The following VPS13C variants were observed in gnomAD, a reference collection of about 807,000 sequenced individuals.
The protein encoded by VPS13C is vacuolar protein sorting 13 homolog C, also known as intermembrane lipid transfer protein VPS13C.
Under a neutral mutation model 456.8 loss-of-function variants are expected in VPS13C, and 358 were observed. The observed-to-expected ratio is 0.78, with a 90% CI of 0.72 to 0.86. The LOEUF (loss-of-function observed/expected upper bound fraction) is 0.86, where lower values mean the gene tolerates loss of function less well. VPS13C is among the 40% of genes least tolerant of loss of function. The probability of loss-of-function intolerance (pLI) is 0.00; values close to 1 mark genes in which losing one functional copy is unlikely to be tolerated. For missense variants in VPS13C, 4,818 were observed against 4,385.4 expected, an observed-to-expected ratio of 1.10 and a Z score of -2.79; for synonymous variants, 1,578 against 1,486.7, an observed-to-expected ratio of 1.06 and a Z score of -1.41.
intron 67 of VPS13C, among the ~76,000 whole-genome samples, chr15:61,887,766 T>C (rs966697511): frequency 5.9e-5 from 9 of 151,950 alleles, no homozygotes; most frequent in South Asian, 2.1e-4. Context: ...TAGAAGATAA[T>C]AGGAGGAAAT....
At chr15:62,030,381 G>A (rs1260315091) in intron 5 of VPS13C, among the ~76,000 whole-genome samples, 1 of 152,012 alleles carries the variant, frequency 6.6e-6, no homozygotes, top group Non-Finnish European at 1.5e-5. Flanking sequence ...TGGATCATTG[G>A]GGTGGGTCCC....
At chr15:62,026,437 T>C (rs2047642124) in intron 6 of VPS13C, among the ~76,000 whole-genome samples, 1 of 152,114 alleles carries the variant, frequency 6.6e-6, no homozygotes, top group Admixed American at 6.6e-5. Flanking sequence ...AAAGTACTAC[T>C]GGGAAGCTGT....
Position 61,978,694 on chromosome 15 carries a change from A to T in VPS13C, c.2222T>A (p.Ile741Lys). 1 of 1,612,828 alleles carries T rather than the reference A, an allele frequency of 6.2e-7. No individual in the cohort carries two copies. The highest frequency in any genetic ancestry group is 8.5e-7 in the Non-Finnish European group (1 of 1,179,514). Residue 741 changes from isoleucine to lysine, a missense_variant, in exon 23 of 85, where the codon ATA (isoleucine) becomes AAA (lysine). By Grantham distance (102) the Ile-to-Lys change is moderately radical (BLOSUM62 -3). Coordinates refer to ENST00000644861, the MANE Select transcript of VPS13C (RefSeq NM_020821.3). ...AAACTTGTCATATGCCTTATCCATTATTTCTTCCAGAGATGAATTAGTAGT... is the reference window on the plus strand; with the variant it reads ...AAACTTGTCATATGCCTTATCCATTTTTTCTTCCAGAGATGAATTAGTAGT... ...QKTTNSSLEE[I>K]MDKAYDKFDV...
chr15:61,886,791 A>C (rs1896305368), intron 67 of VPS13C, among the ~76,000 whole-genome samples: 1 of 152,200 alleles, frequency 6.6e-6, no homozygotes, highest in South Asian at 2.1e-4. Context: ...ACAATGTCCT[A>C]ACTATAAAAT....
chr15:61,938,273 G>C (rs2044294507), intron 47 of VPS13C, among the ~76,000 whole-genome samples: 3 of 150,272 alleles, frequency 2.0e-5, no homozygotes, highest in African/African-American at 5.0e-5. Context: ...CTGTGGGGTG[G>C]GGGGGGAACA....
At chr15:61,951,725 T>A (rs1226505239) in intron 39 of VPS13C, 99 bp downstream of exon 39, 2 of 1,295,986 alleles carry the variant, frequency 1.5e-6, no homozygotes, top group Non-Finnish European at 2.0e-6. Context: ...TACTAGGAAA[T>A]TAACACAATT....
intron 15 of VPS13C, among the ~76,000 whole-genome samples, chr15:62,005,371 T>C (rs2046795950): frequency 6.6e-6 from 1 of 152,232 alleles, no homozygotes; most frequent in Non-Finnish European, 1.5e-5. Flanking sequence ...ATTTGCTTGG[T>C]AGATCTTCCT....
At chr15:62,007,054 T>A (rs563793460) in intron 15 of VPS13C, among the ~76,000 whole-genome samples, 1 of 152,272 alleles carries the variant, frequency 6.6e-6, no homozygotes, top group African/African-American at 2.4e-5. Flanking sequence ...TAAACATTAT[T>A]ATAAAAACCA....
chr15:61,909,333 G>C (rs961765978), intron 64 of VPS13C, among the ~76,000 whole-genome samples: 1 of 152,082 alleles, frequency 6.6e-6, no homozygotes, highest in Non-Finnish European at 1.5e-5. Flanking sequence ...CCAGCCTTCC[G>C]AATAGCTGGG....
chr15:61,927,892 G>A (rs904128091), intron 51 of VPS13C, among the ~76,000 whole-genome samples: 1 of 152,120 alleles, frequency 6.6e-6, no homozygotes, highest in Non-Finnish European at 1.5e-5. Context: ...GTCCTTTGCA[G>A]GGACATGGAT....
chr15:62,028,332 GAATAT>G, intron 6 of VPS13C, 21 bp downstream of exon 6: 1 of 1,609,938 alleles, frequency 6.2e-7, no homozygotes, highest in Non-Finnish European at 8.5e-7. Context: ...TTATATAGTT[GAATAT>G]AATTAACCAT....
At chr15:61,988,638 T>G (rs2046131961) in intron 18 of VPS13C, among the ~76,000 whole-genome samples, 1 of 152,096 alleles carries the variant, frequency 6.6e-6, no homozygotes, top group African/African-American at 2.4e-5. Context: ...ATAGAAAAGG[T>G]AATCATAAAG....
At chr15:61,887,595 G>A (rs1896363009) in intron 67 of VPS13C, among the ~76,000 whole-genome samples, 1 of 152,204 alleles carries the variant, frequency 6.6e-6, no homozygotes, top group African/African-American at 2.4e-5. Flanking sequence ...GGAGGCTGAG[G>A]TGGGAGGATT....
chr15:62,013,017 T>TC, intron 11 of VPS13C, 22 bp downstream of exon 11: 2 of 1,593,876 alleles, frequency 1.3e-6, no homozygotes, highest in Non-Finnish European at 1.7e-6. Flanking sequence ...AGTTAGCTCT[T>TC]CCAAGTATAC....
In VPS13C at chr15:62,035,040, A is replaced by T; in HGVS notation, c.200T>A (p.Leu67Ter). Residue 67 changes from leucine (L) to a stop codon, truncating the protein, a stop_gained, in exon 4 of 85, where the codon TTG (leucine) becomes TAG (stop). Coordinates refer to ENST00000644861, the MANE Select transcript of VPS13C (RefSeq NM_020821.3). LOFTEE classifies it high-confidence loss of function. ...ATAAAGGTTCTTCCAAGGAATCTTC[A>T]AAGTTAATTTATCTAAGGAAACATA... ...VKAGQIDKLT[L>*]KIPWKNLYGE... 2 of 1,605,844 alleles carry T rather than the reference A, an allele frequency of 1.2e-6. No individual in the cohort carries two copies. The highest frequency in any genetic ancestry group is 1.7e-6 in the Non-Finnish European group (2 of 1,174,828).
chr15:61,945,747 C>A lies in VPS13C; in HGVS notation c.5116G>T (p.Val1706Phe), dbSNP rs754917020. 1 of 1,599,044 alleles carries A rather than the reference C, an allele frequency of 6.3e-7. No homozygotes were observed. The highest frequency in any genetic ancestry group is 1.8e-5 in the Admixed American group (1 of 56,606). The change falls in exon 45 of 85, where the codon GTT becomes TTT. Residue 1706 changes from valine to phenylalanine, a missense_variant. By Grantham distance (50) the Val-to-Phe change is conservative. Coordinates refer to ENST00000644861, the MANE Select transcript of VPS13C (RefSeq NM_020821.3). ...LSFKVGCIQI[V>F]YVHKFFMSLL... ...GACATGAAGAATTTATGAACATAAA[C>A]AATCTGAATACAACCCACTTTAAAA...
intron 15 of VPS13C, among the ~76,000 whole-genome samples, chr15:62,001,989 G>A (rs994776784): frequency 1.8e-4 from 27 of 152,304 alleles, no homozygotes; most frequent in African/African-American, 5.1e-4. Context: ...ATGTGTGCAT[G>A]TGTCTTTATA....
rs1283835632 is a variant in VPS13C at position 62,037,228 on chromosome 15, TTA to T, written c.188-2178_188-2177del. Reference sequence around the variant, plus strand: ...ATATATAAATATATTATATAATATATTATATATAAATATATATAATATATTTA... The same window carrying T: ...ATATATAAATATATTATATAATATATTATATAAATATATATAATATATTTA... On this transcript the variant is annotated intron_variant, in intron 3 of 84. Coordinates refer to ENST00000644861, the MANE Select transcript of VPS13C (RefSeq NM_020821.3). 1.2e-3 allele frequency among the ~76,000 whole-genome samples: 91 copies of T among 76,210 alleles called. 1 individual carries two copies. Among genetic ancestry groups the T allele is most frequent in the African/African-American group, 3.9e-3 (73 of 18,656 alleles). 50.0% of individuals were successfully genotyped at this position (76,210 alleles called of 152,430 possible).
chr15:61,887,334 A>G (rs948358015), intron 67 of VPS13C, among the ~76,000 whole-genome samples: 1 of 152,238 alleles, frequency 6.6e-6, no homozygotes, highest in Non-Finnish European at 1.5e-5. Flanking sequence ...AAAATCGAAT[A>G]CAATGTGTAT....
Sources: allele counts gnomAD v4.1 joint callset (sites outside exome capture counted in the v4.1 genomes callset), GRCh38; gene constraint gnomAD v4.1.1; transcripts MANE v1.5; gene names NCBI Gene and HGNC (gene_info 2026-07-23, HGNC 2026-07-21).